RYR3: variants seen among roughly 807,000 people sequenced by gnomAD.
RYR3 encodes ryanodine receptor 3, also known as brain ryanodine receptor-calcium release channel.
Under a neutral mutation model 584.3 loss-of-function variants are expected in RYR3, and 207 were observed. That is an observed-to-expected ratio of 0.35 (90% CI 0.32 to 0.40). The LOEUF is 0.40. Among genes scored for constraint, RYR3 ranks in the 10% least tolerant of loss-of-function variants. The probability of loss-of-function intolerance (pLI) is 1.00; values close to 1 mark genes in which losing one functional copy is unlikely to be tolerated. For missense variants in RYR3, 5,616 were observed against 6,089.2 expected, an observed-to-expected ratio of 0.92 and a Z score of 2.59; for synonymous variants, 2,416 against 2,248.5, an observed-to-expected ratio of 1.07 and a Z score of -2.11.
At chr15:33,757,178 C>T (rs940381057) in intron 59 of RYR3, among the ~76,000 whole-genome samples, 1 of 152,146 alleles carries the variant, frequency 6.6e-6, no homozygotes, top group Non-Finnish European at 1.5e-5. Context: ...TTAGATGCAG[C>T]GCCCAAGAAG....
chr15:33,799,931 G>GC (rs75254031), intron 67 of RYR3, among the ~76,000 whole-genome samples: 1 of 74,600 alleles, frequency 1.3e-5, no homozygotes, highest in African/African-American at 6.2e-5. Flanking sequence ...AACAGTGGGG[G>GC]TTTTTTGTTT....
intron 64 of RYR3, among the ~76,000 whole-genome samples, chr15:33,775,744 C>A (rs958766235): frequency 3.3e-5 from 5 of 152,202 alleles, no homozygotes; most frequent in Non-Finnish European, 7.3e-5. Context: ...CTGTTCCCAT[C>A]TGCTACTCTG....
chr15:33,844,549 C>T (rs765859978), intron 92 of RYR3, among the ~76,000 whole-genome samples: 1 of 152,144 alleles, frequency 6.6e-6, no homozygotes, highest in Non-Finnish European at 1.5e-5. Context: ...CCTCTCAGGC[C>T]ACAGCATGAT....
At chr15:33,599,519 TC>T (rs1567631949) in intron 16 of RYR3, among the ~76,000 whole-genome samples, 1 of 152,114 alleles carries the variant, frequency 6.6e-6, no homozygotes, top group Non-Finnish European at 1.5e-5. Context: ...ACAGGGAACT[TC>T]CAGGTTACAG....
At chr15:33,548,031 C>T (rs2056379807) in intron 8 of RYR3, 99 bp from the exon 9 acceptor site, 1 of 794,438 alleles carries the variant, frequency 1.3e-6, no homozygotes, top group East Asian at 2.7e-5. Context: ...AGGGCTTAGA[C>T]AAGCTCAGTA....
At position 33,774,669 on chromosome 15, in the gene RYR3, T is replaced by C. The variant is rs201839782; in HGVS notation, c.9137+1054T>C. ...TAAATAGCTTCCAGAATACAAGAAA[T>C]TGAGGAACTAATGGCTGCGTTTGTT... On this transcript the variant is annotated intron_variant, in intron 64 of 103. Transcript: ENST00000634891. Among the ~76,000 whole-genome samples, 5 of 152,302 alleles carry C rather than the reference T, an allele frequency of 3.3e-5. No homozygotes were observed. The South Asian group carries it at 6.2e-4, about 19-fold the overall frequency.
In RYR3 at chr15:33,318,434, C is replaced by T. The variant is rs567640995; in HGVS notation, c.51+7338C>T. Reference sequence around the variant, plus strand: ...CTGAAATGCAAAGTTGTTAGCTCAGCAGGTACCACTGATGATTAACATCAT... The same window carrying T: ...CTGAAATGCAAAGTTGTTAGCTCAGTAGGTACCACTGATGATTAACATCAT... On this transcript the variant is annotated intron_variant, in intron 1 of 103. Coordinates refer to ENST00000634891, the MANE Select transcript of RYR3 (RefSeq NM_001036.6). 7.2e-5 allele frequency among the ~76,000 whole-genome samples: 11 copies of T among 152,316 alleles called. No individual in the cohort carries two copies. In the South Asian group the frequency reaches 2.1e-3, roughly 29 times the overall value.
intron 38 of RYR3, among the ~76,000 whole-genome samples, chr15:33,680,160 G>C (rs1387812682): frequency 6.6e-6 from 1 of 152,186 alleles, no homozygotes; most frequent in African/African-American, 2.4e-5. Context: ...GGGGGCTAGG[G>C]AATATAAGGA....
chr15:33,370,033 C>T, intron 1 of RYR3, among the ~76,000 whole-genome samples: 1 of 152,190 alleles, frequency 6.6e-6, no homozygotes, highest in East Asian at 1.9e-4. Flanking sequence ...CACTTTCAGC[C>T]ATCATACTAT....
intron 18 of RYR3, 142 bp from the exon 19 acceptor site, chr15:33,613,041 T>G (rs1170955703): frequency 3.2e-6 from 2 of 616,450 alleles, no homozygotes; most frequent in East Asian, 5.6e-5. Flanking sequence ...AAAGGAAAGT[T>G]GCATTTCAAA....
chr15:33,727,277 TTC>T (rs1214173570), intron 46 of RYR3, among the ~76,000 whole-genome samples: 5 of 152,344 alleles, frequency 3.3e-5, no homozygotes, highest in African/African-American at 1.2e-4. Context: ...GAAGTGTTGT[TTC>T]TCTGAGTCGC....
At chr15:33,791,406 G>A (rs1481824980) in intron 67 of RYR3, among the ~76,000 whole-genome samples, 3 of 151,952 alleles carry the variant, frequency 2.0e-5, no homozygotes, top group Non-Finnish European at 1.5e-5. Flanking sequence ...AGAGAGAGAG[G>A]GAGAGAGAGG....
At chr15:33,707,630 TG>T (rs2066810954) in intron 43 of RYR3, among the ~76,000 whole-genome samples, 1 of 152,156 alleles carries the variant, frequency 6.6e-6, no homozygotes, top group Non-Finnish European at 1.5e-5. Context: ...TGTAAATAAG[TG>T]GGGTACTTTC....
chr15:33,637,824 T>A (rs2061576956), intron 27 of RYR3, among the ~76,000 whole-genome samples: 4 of 152,234 alleles, frequency 2.6e-5, no homozygotes, highest in Admixed American at 2.6e-4. Flanking sequence ...TATTATACTT[T>A]AAGTTTTAGG....
At chr15:33,604,557 T>C (rs567803685) in intron 18 of RYR3, among the ~76,000 whole-genome samples, 5 of 152,266 alleles carry the variant, frequency 3.3e-5, no homozygotes, top group Admixed American at 1.3e-4. Context: ...GGGGGAAGAA[T>C]GAAAAAAAGC....
At chr15:33,686,921 C>G (rs781672215) in intron 38 of RYR3, among the ~76,000 whole-genome samples, 9 of 152,186 alleles carry the variant, frequency 5.9e-5, no homozygotes, top group Non-Finnish European at 1.3e-4. Flanking sequence ...GGCCTTATCT[C>G]AAAATAATAA....
chr15:33,314,940 A>C (rs1044685423), intron 1 of RYR3, among the ~76,000 whole-genome samples: 167 of 141,924 alleles, frequency 1.2e-3, no homozygotes, highest in African/African-American at 4.6e-3. Context: ...AAAAAAAAAA[A>C]CCAAAAAAAA....
At chr15:33,704,972 A>G (rs971969822) in intron 42 of RYR3, among the ~76,000 whole-genome samples, 1 of 152,150 alleles carries the variant, frequency 6.6e-6, no homozygotes, top group Non-Finnish European at 1.5e-5. Flanking sequence ...AAGAACAGCA[A>G]AGGACTGGTA....
At chr15:33,853,210 AG>A (rs1278921410) in intron 95 of RYR3, 123 bp downstream of exon 95, 2 of 972,778 alleles carry the variant, frequency 2.1e-6, no homozygotes, top group Non-Finnish European at 3.0e-6. Context: ...TCTCAAGAAG[AG>A]TAAGTCACAG....
Sources: gnomAD v4.1 joint callset for allele counts (sites outside exome capture counted in the v4.1 genomes callset) on GRCh38, gnomAD v4.1.1 for gene constraint, MANE v1.5 for transcripts, NCBI Gene and HGNC (gene_info 2026-07-23, HGNC 2026-07-21) for gene names.